The following PTPRT variants were observed in gnomAD, a reference collection of about 807,000 sequenced individuals.
PTPRT encodes the protein receptor-type tyrosine-protein phosphatase T.
PTPRT carries 56 observed loss-of-function variants against 176.8 expected under a neutral mutation model. That is an observed-to-expected ratio of 0.32 (90% CI 0.26 to 0.40). PTPRT has a LOEUF of 0.40. PTPRT is among the 10% of genes least tolerant of loss of function. The probability of loss-of-function intolerance (pLI) is 1.00; values close to 1 mark genes in which losing one functional copy is unlikely to be tolerated. For synonymous variants in PTPRT, 783 were observed against 739.0 expected (o/e 1.06, Z -0.96); for missense variants, 1,540 against 1,908.2 (o/e 0.81, Z 3.60).
At position 42,213,779 on chromosome 20, in the gene PTPRT, A is replaced by T. The variant is rs565386864; in HGVS notation, c.2343-14391T>A. The stretch of plus-strand genomic sequence containing the variant: ...AGCTGCCAGGAAGAGGCATGGCACC[A>T]TTCTATTTAGAGTCTCAGAGGGAGC... On this transcript the variant is annotated intron_variant, in intron 15 of 30. Coordinates refer to ENST00000373187, the MANE Select transcript of PTPRT (RefSeq NM_007050.6). Among the ~76,000 whole-genome samples the T allele has an allele frequency of 1.2e-4, 19 of 152,252 alleles. No homozygotes were observed. The South Asian group carries it at 3.9e-3, about 32-fold the overall frequency.
At chr20:43,014,975 T>A (rs1985302799) in intron 1 of PTPRT, among the ~76,000 whole-genome samples, 1 of 152,182 alleles carries the variant, frequency 6.6e-6, no homozygotes, top group Admixed American at 6.5e-5. Context: ...ATGACACAAA[T>A]CTCTCTTCAG....
At chr20:42,462,369 T>A (rs1489382622) in intron 8 of PTPRT, among the ~76,000 whole-genome samples, 1 of 152,102 alleles carries the variant, frequency 6.6e-6, no homozygotes, top group Non-Finnish European at 1.5e-5. Flanking sequence ...CGCAGTGGTG[T>A]GCAGCAGCTA....
intron 13 of PTPRT, among the ~76,000 whole-genome samples, chr20:42,278,056 T>A (rs2147036770): frequency 8.9e-6 from 1 of 112,592 alleles, no homozygotes; most frequent in South Asian, 3.4e-4. Context: ...GAGATAGACA[T>A]TAAACATGTA....
At chr20:42,508,127 T>TTG (rs57895943) in intron 7 of PTPRT, among the ~76,000 whole-genome samples, 16,441 of 146,610 alleles carry the variant, frequency 0.11, 1,031 homozygotes, top group South Asian at 0.25. Context: ...ATTACCCTTT[T>TTG]TGTGTGTGTG....
chr20:42,892,722 G>A (rs974168668), intron 1 of PTPRT, among the ~76,000 whole-genome samples: 3 of 152,166 alleles, frequency 2.0e-5, no homozygotes, highest in Non-Finnish European at 4.4e-5. Flanking sequence ...TCTTGGGGGA[G>A]ACGTCAGCAC....
At chr20:42,889,789 T>C (rs1365936739) in intron 1 of PTPRT, among the ~76,000 whole-genome samples, 1 of 151,916 alleles carries the variant, frequency 6.6e-6, no homozygotes, top group South Asian at 2.1e-4. Flanking sequence ...ATGACAAAAA[T>C]CAAATTGAGG....
intron 7 of PTPRT, among the ~76,000 whole-genome samples, chr20:42,544,264 A>G (rs1216350167): frequency 3.9e-5 from 6 of 152,224 alleles, no homozygotes; most frequent in African/African-American, 1.4e-4. Context: ...TTAGCTACAC[A>G]TGCTGAATAA....
At chr20:42,752,394 A>G (rs1600698990) in intron 6 of PTPRT, among the ~76,000 whole-genome samples, 1 of 152,282 alleles carries the variant, frequency 6.6e-6, no homozygotes, top group East Asian at 1.9e-4. Context: ...TGAGGCCCCA[A>G]GAGGTTAGAT....
intron 2 of PTPRT, among the ~76,000 whole-genome samples, chr20:42,826,991 T>A (rs1390050701): frequency 1.3e-5 from 2 of 152,168 alleles, no homozygotes; most frequent in African/African-American, 4.8e-5. Context: ...AAGGATTCAA[T>A]TCAAAAAGAA....
intron 2 of PTPRT, among the ~76,000 whole-genome samples, chr20:42,798,864 CCAGTGATTGGATTTGAAGG>C (rs773899677): frequency 2.6e-5 from 4 of 151,848 alleles, no homozygotes; most frequent in Non-Finnish European, 5.9e-5. Flanking sequence ...GTATTAACCC[CCAGTGATTGGATTTGAAGG>C]CGCACTGGTG....
Position 43,185,843 on chromosome 20 carries a change from A to C in PTPRT, c.88+3803T>G, listed in dbSNP as rs998125698. On this transcript the variant is annotated intron_variant, in intron 1 of 30. Transcript: ENST00000373187. ...GCTACTTGGGAGGCGGAGGCAGGAGAATTGCTTGAACCCAGGAGGCAGAGG... is the reference window on the plus strand; with the variant it reads ...GCTACTTGGGAGGCGGAGGCAGGAGCATTGCTTGAACCCAGGAGGCAGAGG... 8.0e-4 allele frequency among the ~76,000 whole-genome samples: 122 copies of C among 152,204 alleles called. 1 individual carries two copies. Among genetic ancestry groups the C allele is most frequent in the Non-Finnish European group, 3.7e-4 (25 of 68,008 alleles).
chr20:42,955,986 C>T (rs1419397069), intron 1 of PTPRT, among the ~76,000 whole-genome samples: 1 of 152,164 alleles, frequency 6.6e-6, no homozygotes, highest in African/African-American at 2.4e-5. Flanking sequence ...GGCCTTAGCG[C>T]ATTCCCTTCC....
At chr20:42,113,249 G>T (rs575085975) in intron 22 of PTPRT, among the ~76,000 whole-genome samples, 1 of 152,304 alleles carries the variant, frequency 6.6e-6, no homozygotes, top group South Asian at 2.1e-4. Flanking sequence ...AATGTAACAC[G>T]AGAAAGGACC....
intron 14 of PTPRT, among the ~76,000 whole-genome samples, chr20:42,245,485 G>A (rs762093263): frequency 7.2e-5 from 11 of 152,092 alleles, no homozygotes; most frequent in East Asian, 3.9e-4. Flanking sequence ...CCCTCCCCCC[G>A]TTACAAAACA....
intron 9 of PTPRT, among the ~76,000 whole-genome samples, chr20:42,398,888 T>C (rs567989530): frequency 1.3e-4 from 20 of 152,350 alleles, no homozygotes; most frequent in African/African-American, 4.6e-4. Context: ...CATAGTCATC[T>C]AAGCTCAGCT....
intron 11 of PTPRT, among the ~76,000 whole-genome samples, chr20:42,342,483 C>A (rs767596587): frequency 6.6e-6 from 1 of 152,144 alleles, no homozygotes; most frequent in Non-Finnish European, 1.5e-5. Context: ...CAGGTCCCAG[C>A]AAAGGTGGCC....
At chr20:42,764,919 A>C (rs1047684958) in intron 5 of PTPRT, among the ~76,000 whole-genome samples, 1 of 152,154 alleles carries the variant, frequency 6.6e-6, no homozygotes, top group African/African-American at 2.4e-5. Flanking sequence ...TGGTCCCCAG[A>C]ACACTCACAG....
intron 7 of PTPRT, among the ~76,000 whole-genome samples, chr20:42,564,492 C>T (rs1003162567): frequency 6.6e-6 from 1 of 152,136 alleles, no homozygotes; most frequent in South Asian, 2.1e-4. Flanking sequence ...AAACCAAACA[C>T]CGCATGTTTT....
intron 7 of PTPRT, among the ~76,000 whole-genome samples, chr20:42,564,799 C>A (rs1442175175): frequency 6.6e-6 from 1 of 152,054 alleles, no homozygotes; most frequent in Non-Finnish European, 1.5e-5. Context: ...AGTAAAACAA[C>A]TATTTACATA....
Sources: gnomAD v4.1 joint callset for allele counts (sites outside exome capture counted in the v4.1 genomes callset) on GRCh38, gnomAD v4.1.1 for gene constraint, MANE v1.5 for transcripts, NCBI Gene and HGNC (gene_info 2026-07-23, HGNC 2026-07-21) for gene names.